BICRA: variants seen among roughly 807,000 people sequenced by gnomAD.
The protein encoded by BICRA is BRD4 interacting chromatin remodeling complex associated protein, also known as BRD4-interacting chromatin-remodeling complex-associated protein.
In BICRA, 31 loss-of-function variants were observed where a neutral mutation model predicts 96.9. The observed-to-expected ratio is 0.32, with a 90% CI of 0.24 to 0.43. The LOEUF (loss-of-function observed/expected upper bound fraction) is 0.43. BICRA is among the 20% of genes least tolerant of loss of function. BICRA has a pLI of 1.00. For missense variants in BICRA, 2,283 were observed against 2,190.3 expected (o/e 1.04, Z -0.84); for synonymous variants, 1,350 against 1,071.8 (o/e 1.26, Z -5.07).
chr19:47,639,159 A>G (rs1207718903), intron 1 of BICRA, among the ~76,000 whole-genome samples: 2 of 151,098 alleles, frequency 1.3e-5, no homozygotes, highest in East Asian at 3.9e-4. Flanking sequence ...GTGCAGCACC[A>G]TACCTGACTA....
intron 1 of BICRA, among the ~76,000 whole-genome samples, chr19:47,624,235 C>CT (rs1236191617): frequency 6.6e-6 from 1 of 151,950 alleles, no homozygotes; most frequent in Admixed American, 6.6e-5. Context: ...ATCTCCTACC[C>CT]TTTTCATCTT....
chr19:47,630,010 T>C (rs1203970021), intron 1 of BICRA, among the ~76,000 whole-genome samples: 1 of 152,068 alleles, frequency 6.6e-6, no homozygotes, highest in Non-Finnish European at 1.5e-5. Context: ...TTAAGTACTT[T>C]AATATTGTGT....
At chr19:47,620,813 C>T (rs2123509784) in intron 1 of BICRA, among the ~76,000 whole-genome samples, 1 of 152,142 alleles carries the variant, frequency 6.6e-6, no homozygotes, top group Non-Finnish European at 1.5e-5. Context: ...ACAGCATTTT[C>T]ATCAAGCGCT....
In BICRA at chr19:47,695,010, TG is replaced by T; in HGVS notation, c.3009del (p.Gln1004ArgfsTer42). On this transcript the variant is annotated frameshift_variant, in exon 9 of 15. Transcript: ENST00000594866. LOFTEE classifies it high-confidence loss of function. ...GCCCCGCTGCGTCTGTGCTGGTCAGTGGGCAGGCCCCATCTGGGACCCCCAC... is the reference window on the plus strand; with the variant it reads ...GCCCCGCTGCGTCTGTGCTGGTCAGTGGCAGGCCCCATCTGGGACCCCCAC... ...TSPAASVLVS[G>X]QAPSGTPTAP... The T allele has an allele frequency of 6.6e-7, 1 of 1,526,654 alleles. No individual in the cohort carries two copies. The highest frequency in any genetic ancestry group is 8.7e-7 in the Non-Finnish European group (1 of 1,147,780). The allele number at this position is 1,526,654 out of a possible 1,614,324, so 94.6% of individuals were successfully genotyped here.
chr19:47,655,525 CAAAAAAA>C (rs58172799), intron 1 of BICRA, among the ~76,000 whole-genome samples: 181 of 65,098 alleles, frequency 2.8e-3, no homozygotes, highest in African/African-American at 0.011. Flanking sequence ...AACTCTGTCT[CAAAAAAA>C]AAAAAAAAAA....
chr19:47,630,498 T>C (rs1972206929), intron 1 of BICRA, among the ~76,000 whole-genome samples: 1 of 152,278 alleles, frequency 6.6e-6, no homozygotes, highest in South Asian at 2.1e-4. Context: ...AGGTACCTCA[T>C]GTAAATGGAA....
intron 7 of BICRA, among the ~76,000 whole-genome samples, chr19:47,685,248 A>G (rs1466766951): frequency 1.3e-5 from 2 of 151,826 alleles, no homozygotes; most frequent in East Asian, 3.9e-4. Flanking sequence ...GGCTTCTCAC[A>G]GGGCTGGGAT....
At chr19:47,634,335 G>A (rs1972266732) in intron 1 of BICRA, among the ~76,000 whole-genome samples, 2 of 152,186 alleles carry the variant, frequency 1.3e-5, no homozygotes, top group African/African-American at 4.8e-5. Context: ...CTCGACATGG[G>A]ATCTGCCTTG....
intron 1 of BICRA, among the ~76,000 whole-genome samples, chr19:47,622,133 A>C (rs945118842): frequency 6.6e-6 from 1 of 151,642 alleles, no homozygotes; most frequent in Admixed American, 6.6e-5. Flanking sequence ...TGCCCAGCTA[A>C]TTTTTGTATT....
Position 47,675,903 on chromosome 19 carries a change from A to T in BICRA, c.137A>T (p.Tyr46Phe), listed in dbSNP as rs765058558. Residue 46 changes from tyrosine (Y) to phenylalanine (F), a missense_variant, in exon 5 of 15, where the codon TAT (tyrosine) becomes TTT (phenylalanine). By Grantham distance (22) the Tyr-to-Phe change is conservative. Coordinates refer to ENST00000594866, the MANE Select transcript of BICRA (RefSeq NM_001394372.1). The surrounding 1 kb of genome is among the most constrained non-coding windows in gnomAD (Gnocchi z 4.7). Reference protein sequence around the residue: ...DNPGEAQSAFYEGPGLHVQEA... With the variant: ...DNPGEAQSAFFEGPGLHVQEA... ...CCCGGGGAGGCCCAAAGTGCCTTCT[A>T]TGAAGGTCCTGGGGTAAGTGCCGTG... is the stretch of plus-strand genomic sequence containing the variant. 3 of 1,607,308 alleles carry T rather than the reference A, an allele frequency of 1.9e-6. No homozygotes were observed. Among genetic ancestry groups the T allele is most frequent in the South Asian group, 1.1e-5 (1 of 89,868 alleles).
At chr19:47,640,895 ATTTTTTTTT>A (rs35232398) in intron 1 of BICRA, among the ~76,000 whole-genome samples, 4 of 95,226 alleles carry the variant, frequency 4.2e-5, no homozygotes, top group Non-Finnish European at 7.8e-5. Context: ...TCAGAGTCAG[ATTTTTTTTT>A]TTTTTTTTTT....
At chr19:47,629,467 TC>T (rs1407318614) in intron 1 of BICRA, among the ~76,000 whole-genome samples, 1 of 152,196 alleles carries the variant, frequency 6.6e-6, no homozygotes, top group African/African-American at 2.4e-5. Context: ...TATTGTATTG[TC>T]CTGAAGGCTT....
intron 1 of BICRA, among the ~76,000 whole-genome samples, chr19:47,637,414 C>T (rs142065713): frequency 7.8e-4 from 118 of 151,726 alleles, no homozygotes; most frequent in African/African-American, 2.8e-3. Context: ...CCACTGCGCC[C>T]AGCCTGTTTT....
In BICRA at chr19:47,679,954, T is replaced by C. The variant is rs1226029264; in HGVS notation, c.784T>C (p.Tyr262His). The C allele has an allele frequency of 6.7e-7, 1 of 1,500,206 alleles. No individual in the cohort carries two copies. Among genetic ancestry groups the C allele is most frequent in the South Asian group, 1.3e-5 (1 of 79,660 alleles). 92.9% of individuals were successfully genotyped at this position (1,500,206 alleles called of 1,614,324 possible). A position where few individuals can be genotyped will look rare whatever the true frequency, so the allele number is the denominator to read the frequency against. The change falls in exon 6 of 15, where the codon TAC (tyrosine) becomes CAC (histidine). Residue 262 changes from tyrosine (Y) to histidine (H), a missense_variant. Coordinates refer to ENST00000594866, the MANE Select transcript of BICRA (RefSeq NM_001394372.1). ...GGCCAAGCAGGTGCCCGTCAGCGGC[T>C]ACCTGGCCTCGGCGGCTGGCCCCTC... The part of the protein sequence containing the change: ...LLAKQVPVSG[Y>H]LASAAGPSEP...
At position 47,675,491 on chromosome 19, in the gene BICRA, G is replaced by A. The variant is rs1972926490; in HGVS notation, c.85-360G>A. Among the ~76,000 whole-genome samples, 1 of 152,218 alleles carries A rather than the reference G, an allele frequency of 6.6e-6. No homozygotes were observed. The highest frequency in any genetic ancestry group is 2.4e-5 in the African/African-American group (1 of 41,458). Reference sequence around the variant, plus strand: ...TACTTAGTGAGAAGGGACAGGAGCTGTTGGACCACGAGTGACCACTCCTGA... The same window carrying A: ...TACTTAGTGAGAAGGGACAGGAGCTATTGGACCACGAGTGACCACTCCTGA... On this transcript the variant is annotated intron_variant, in intron 4 of 14. Transcript: ENST00000594866. This position sits in a 1 kb window ranked among gnomAD's most constrained non-coding sequence, Gnocchi z 4.7.
intron 1 of BICRA, among the ~76,000 whole-genome samples, chr19:47,625,351 C>T (rs1158449083): frequency 4.1e-5 from 6 of 147,412 alleles, no homozygotes; most frequent in Non-Finnish European, 5.9e-5. Context: ...GGCTGGATTG[C>T]GGTGGCGTGA....
At chr19:47,621,671 A>G (rs1219375187) in intron 1 of BICRA, among the ~76,000 whole-genome samples, 3 of 151,636 alleles carry the variant, frequency 2.0e-5, no homozygotes, top group Non-Finnish European at 4.4e-5. Flanking sequence ...AGGGGGTTTC[A>G]CCATGTCAGG....
chr19:47,642,656 C>G (rs1287037760), intron 1 of BICRA, among the ~76,000 whole-genome samples: 1 of 152,052 alleles, frequency 6.6e-6, no homozygotes, highest in Non-Finnish European at 1.5e-5. Flanking sequence ...GAGCCAAGAT[C>G]ATGCTACTGC....
At chr19:47,684,126 G>A (rs1011755364) in intron 7 of BICRA, among the ~76,000 whole-genome samples, 2 of 152,168 alleles carry the variant, frequency 1.3e-5, no homozygotes, top group Non-Finnish European at 2.9e-5. Flanking sequence ...TGGAGTAAAC[G>A]AGTTACTATA....
Sources: allele counts gnomAD v4.1 joint callset (sites outside exome capture counted in the v4.1 genomes callset), GRCh38; gene constraint gnomAD v4.1.1; non-coding constraint Gnocchi (gnomAD v3.1); transcripts MANE v1.5; gene names NCBI Gene and HGNC (gene_info 2026-07-23, HGNC 2026-07-21).